The following DPP10 variants were observed in gnomAD, a reference collection of about 807,000 sequenced individuals.
DPP10 encodes inactive dipeptidyl peptidase 10.
Under a neutral mutation model 120.9 loss-of-function variants are expected in DPP10, and 33 were observed. The observed-to-expected ratio is 0.27, with a 90% CI of 0.21 to 0.37. DPP10 has a LOEUF of 0.37. Among genes scored for constraint, DPP10 ranks in the 10% least tolerant of loss-of-function variants. The probability of loss-of-function intolerance (pLI) is 1.00; values close to 1 mark genes in which losing one functional copy is unlikely to be tolerated. For missense variants in DPP10, 816 were observed against 942.8 expected (o/e 0.87, Z 1.76); for synonymous variants, 337 against 326.1 (o/e 1.03, Z -0.36).
intron 1 of DPP10, among the ~76,000 whole-genome samples, chr2:115,264,739 G>A (rs1257490955): frequency 6.6e-6 from 1 of 152,180 alleles, no homozygotes; most frequent in African/African-American, 2.4e-5. Flanking sequence ...ATTTTGGAAT[G>A]ATGTTTAAGA....
intron 21 of DPP10, among the ~76,000 whole-genome samples, chr2:115,817,537 T>C (rs6722852): frequency 0.42 from 64,239 of 152,076 alleles, 14,338 homozygotes; most frequent in African/African-American, 0.55. Context: ...CTGCAGTGTA[T>C]CATGCCTTTG....
intron 5 of DPP10, among the ~76,000 whole-genome samples, chr2:115,529,402 C>T (rs1488683306): frequency 6.6e-6 from 1 of 151,434 alleles, no homozygotes; most frequent in African/African-American, 2.4e-5. Flanking sequence ...CTCCTGACCT[C>T]AGGGGATCCA....
intron 1 of DPP10, among the ~76,000 whole-genome samples, chr2:115,118,893 G>C (rs918611286): frequency 5.9e-5 from 9 of 152,042 alleles, no homozygotes; most frequent in African/African-American, 2.2e-4. Context: ...GGAGTTACAG[G>C]TGTGAGCCAC....
chr2:114,634,344 C>T (rs1320892034), intron 1 of DPP10, among the ~76,000 whole-genome samples: 1 of 151,594 alleles, frequency 6.6e-6, no homozygotes, highest in Admixed American at 6.6e-5. Flanking sequence ...CTACCCAAGT[C>T]CCTATCCTTA....
chr2:114,803,974 C>T (rs1209211645), intron 1 of DPP10, among the ~76,000 whole-genome samples: 1 of 152,164 alleles, frequency 6.6e-6, no homozygotes, highest in Non-Finnish European at 1.5e-5. Flanking sequence ...CATCACAGGC[C>T]CGGAGGCCCT....
intron 21 of DPP10, among the ~76,000 whole-genome samples, chr2:115,820,794 GGTGT>G (rs1687732942): frequency 3.6e-5 from 4 of 112,636 alleles, no homozygotes; most frequent in Non-Finnish European, 7.8e-5. Flanking sequence ...AGTATTCCAT[GGTGT>G]ATGTGTGTGT....
chr2:114,595,456 G>A lies in DPP10; in HGVS notation c.60+152618G>A, dbSNP rs190759462. ...GGCCCAGAAATTGTAGAAAAGAAGG[G>A]TTTGGAAGGTCCATGCCTATAAAGC... is the stretch of plus-strand genomic sequence containing the variant. On this transcript the variant is annotated intron_variant, in intron 1 of 25. Transcript: ENST00000410059. Among the ~76,000 whole-genome samples, 293 of 152,168 alleles carry A rather than the reference G, an allele frequency of 1.9e-3. 2 individuals carry two copies. Among genetic ancestry groups the A allele is most frequent in the Non-Finnish European group, 3.0e-3 (203 of 68,006 alleles).
At chr2:114,871,887 G>A (rs1398104717) in intron 1 of DPP10, among the ~76,000 whole-genome samples, 6 of 152,068 alleles carry the variant, frequency 3.9e-5, no homozygotes, top group South Asian at 2.1e-4. Context: ...GATCAGCAGC[G>A]GCATTAGATT....
At chr2:115,265,912 C>A (rs2059442653) in intron 1 of DPP10, among the ~76,000 whole-genome samples, 1 of 149,848 alleles carries the variant, frequency 6.7e-6, no homozygotes, top group African/African-American at 2.5e-5. Flanking sequence ...CCACTGCAAT[C>A]CAGCCTGAGC....
In DPP10 at chr2:115,828,063, A is replaced by T. The variant is rs1575918400; in HGVS notation, c.1951-8094A>T. On this transcript the variant is annotated intron_variant, in intron 21 of 25. Coordinates refer to ENST00000410059, the MANE Select transcript of DPP10 (RefSeq NM_020868.6). Reference sequence around the variant, plus strand: ...AAGAACATCCTTTAAATTACCTTGTACTCCAGGTGTGCAAGTAGTATATTC... The same window carrying T: ...AAGAACATCCTTTAAATTACCTTGTTCTCCAGGTGTGCAAGTAGTATATTC... Among the ~76,000 whole-genome samples, 3 of 151,734 alleles carry T rather than the reference A, an allele frequency of 2.0e-5. No individual in the cohort carries two copies. The South Asian group carries it at 6.3e-4, about 32-fold the overall frequency.
chr2:115,362,716 G>A (rs907518992), intron 3 of DPP10, among the ~76,000 whole-genome samples: 4 of 152,140 alleles, frequency 2.6e-5, no homozygotes, highest in African/African-American at 4.8e-5. Context: ...CAACATAAAG[G>A]TACAGTTGAA....
At chr2:115,791,649 CT>C (rs1373416639) in intron 19 of DPP10, among the ~76,000 whole-genome samples, 3 of 152,188 alleles carry the variant, frequency 2.0e-5, no homozygotes, top group African/African-American at 2.4e-5. Flanking sequence ...AAGCCCTGCG[CT>C]CTTTATCAGT....
chr2:115,831,031 G>A (rs879769976), intron 21 of DPP10, among the ~76,000 whole-genome samples: 1 of 152,094 alleles, frequency 6.6e-6, no homozygotes, highest in Non-Finnish European at 1.5e-5. Flanking sequence ...GCAGGATTAA[G>A]ATTCTGCTTC....
intron 1 of DPP10, among the ~76,000 whole-genome samples, chr2:114,753,908 C>CAAAAAAAAAA (rs777798352): frequency 8.9e-5 from 3 of 33,762 alleles, no homozygotes; most frequent in African/African-American, 2.7e-4. Context: ...GACTCCTTCT[C>CAAAAAAAAAA]AAAAAAAAAA....
chr2:115,702,404 T>A (rs1007422151), intron 7 of DPP10, among the ~76,000 whole-genome samples: 5 of 152,050 alleles, frequency 3.3e-5, no homozygotes, highest in African/African-American at 9.7e-5. Context: ...AGTAGAATTA[T>A]TCATAGTAAC....
chr2:114,447,621 T>C, intron 1 of DPP10, among the ~76,000 whole-genome samples: 1 of 152,234 alleles, frequency 6.6e-6, no homozygotes, highest in East Asian at 1.9e-4. Context: ...AGAACTTTAC[T>C]CATAAGAATA....
At chr2:115,508,176 T>C (rs550867240) in intron 4 of DPP10, among the ~76,000 whole-genome samples, 2 of 152,256 alleles carry the variant, frequency 1.3e-5, no homozygotes, top group South Asian at 2.1e-4. Context: ...AATCTTGAAA[T>C]AAAATTAACA....
intron 1 of DPP10, among the ~76,000 whole-genome samples, chr2:114,768,754 A>G (rs962639516): frequency 5.9e-5 from 9 of 152,172 alleles, no homozygotes; most frequent in African/African-American, 2.2e-4. Flanking sequence ...AACACAGGAT[A>G]ATGCAAGTGT....
chr2:115,209,925 G>A (rs1358529442), intron 1 of DPP10, among the ~76,000 whole-genome samples: 4 of 152,132 alleles, frequency 2.6e-5, no homozygotes, highest in African/African-American at 7.2e-5. Context: ...AGTGGCTCAC[G>A]CCTGTAATAC....
Sources: allele counts gnomAD v4.1 joint callset (sites outside exome capture counted in the v4.1 genomes callset), GRCh38; gene constraint gnomAD v4.1.1; transcripts MANE v1.5; gene names NCBI Gene and HGNC (gene_info 2026-07-23, HGNC 2026-07-21).